The following MAN1A1 variants were observed in gnomAD, a reference collection of about 807,000 sequenced individuals.
MAN1A1 encodes mannosidase alpha class 1A member 1, also known as mannosyl-oligosaccharide 1,2-alpha-mannosidase IA.
A neutral mutation model predicts 70.8 loss-of-function variants in MAN1A1; 29 were observed. That is an observed-to-expected ratio of 0.41 (90% confidence interval 0.31 to 0.56). The LOEUF is 0.56. MAN1A1 is among the 20% of genes least tolerant of loss of function. MAN1A1 has a pLI of 0.29. For synonymous variants in MAN1A1, 349 were observed against 330.1 expected, an observed-to-expected ratio of 1.06 and a Z score of -0.62; for missense variants, 747 against 841.3, an observed-to-expected ratio of 0.89 and a Z score of 1.39.
chr6:119,276,290 G>A (rs2142885), intron 5 of MAN1A1, among the ~76,000 whole-genome samples: 1 of 151,906 alleles, frequency 6.6e-6, no homozygotes, highest in South Asian at 2.1e-4. Context: ...CATCTAAAAT[G>A]ATCCTGTGAA....
chr6:119,312,493 A>C (rs1772738012), intron 2 of MAN1A1, among the ~76,000 whole-genome samples: 1 of 152,132 alleles, frequency 6.6e-6, no homozygotes, highest in Non-Finnish European at 1.5e-5. Context: ...TTGGAAGAGA[A>C]TTTCTCCATG....
Position 119,249,474 on chromosome 6 carries a change from C to T in MAN1A1, c.898-1120G>A, listed in dbSNP as rs1238677621. Among the ~76,000 whole-genome samples the T allele has an allele frequency of 3.9e-5, 6 of 152,126 alleles. No homozygotes were observed. The East Asian group carries it at 1.2e-3, about 29-fold the overall frequency. On this transcript the variant is annotated intron_variant, in intron 5 of 12. Transcript: ENST00000368468. ...TGGCACCAAGCAGGTACCTGTTCCC[C>T]TCTCCTTTAAGCCGTATGACTGAGC... is the stretch of plus-strand genomic sequence containing the variant.
intron 11 of MAN1A1, among the ~76,000 whole-genome samples, chr6:119,181,688 G>T (rs1773157761): frequency 6.6e-6 from 1 of 151,996 alleles, no homozygotes; most frequent in Non-Finnish European, 1.5e-5. Flanking sequence ...CCCTTTCAGA[G>T]CCCACTTTCT....
At chr6:119,336,316 C>CGAAGGGA (rs1773449455) in intron 2 of MAN1A1, among the ~76,000 whole-genome samples, 1 of 152,148 alleles carries the variant, frequency 6.6e-6, no homozygotes. Flanking sequence ...GTGATCCTCC[C>CGAAGGGA]TTCGGCCTCC....
intron 11 of MAN1A1, among the ~76,000 whole-genome samples, chr6:119,188,178 C>T (rs911421512): frequency 3.3e-5 from 5 of 152,158 alleles, no homozygotes; most frequent in African/African-American, 1.2e-4. Flanking sequence ...TTATCTCCTT[C>T]AATATCTAAG....
chr6:119,204,783 T>C lies in MAN1A1; in HGVS notation c.1092A>G (p.Ser364=), dbSNP rs779441924. ...CCTTTTCAGCAAAGATGGGGTTTCC[T>C]GATAAGTGGCTCAAGTGCATAAACT... ...HLEFMHLSHL[S]GNPIFAEKVM... Residue 364 remains serine (S), a synonymous_variant, in exon 7 of 13, where the codon TCA becomes TCG. Transcript: ENST00000368468. The C allele has an allele frequency of 6.2e-7, 1 of 1,614,040 alleles. No individual in the cohort carries two copies. The highest frequency in any genetic ancestry group is 1.1e-5 in the South Asian group (1 of 91,084).
intron 8 of MAN1A1, among the ~76,000 whole-genome samples, chr6:119,194,522 C>T (rs945099931): frequency 7.2e-5 from 11 of 152,108 alleles, no homozygotes; most frequent in Non-Finnish European, 1.2e-4. Flanking sequence ...CGGCATCTTG[C>T]TATGTTGCCT....
chr6:119,280,339 G>T (rs1414135382), intron 5 of MAN1A1, among the ~76,000 whole-genome samples: 2 of 152,190 alleles, frequency 1.3e-5, no homozygotes, highest in African/African-American at 4.8e-5. Context: ...AACACTCTGT[G>T]CCTCTGTTTC....
intron 2 of MAN1A1, among the ~76,000 whole-genome samples, chr6:119,307,958 C>G (rs950470709): frequency 6.6e-6 from 1 of 152,100 alleles, no homozygotes; most frequent in African/African-American, 2.4e-5. Context: ...TTCATATGTT[C>G]CTGAACACAA....
In MAN1A1 at chr6:119,201,240, A is replaced by G. The variant is rs1279499383; in HGVS notation, c.1210+14T>C. 1 of 1,586,646 alleles carries G rather than the reference A, an allele frequency of 6.3e-7. No homozygotes were observed. Among genetic ancestry groups the G allele is most frequent in the East Asian group, 2.2e-5 (1 of 44,724 alleles). On this transcript the variant is annotated intron_variant, in intron 8 of 12. Coordinates refer to ENST00000368468, the MANE Select transcript of MAN1A1 (RefSeq NM_005907.4). ...ACCAAAAAGAGCTATAATAATGCAA[A>G]TCTTCTGACTTACGTTGACCCCACT...
intron 3 of MAN1A1, among the ~76,000 whole-genome samples, chr6:119,303,427 G>A (rs1488965290): frequency 1.1e-4 from 16 of 152,152 alleles, no homozygotes; most frequent in African/African-American, 3.6e-4. Context: ...GCTTCAAAAC[G>A]CAGTTTAAAA....
At chr6:119,182,984 G>C (rs778933262) in intron 11 of MAN1A1, among the ~76,000 whole-genome samples, 2 of 152,114 alleles carry the variant, frequency 1.3e-5, no homozygotes, top group Non-Finnish European at 1.5e-5. Flanking sequence ...AAAGGATTTT[G>C]GAGGAAAATA....
At chr6:119,271,888 G>A (rs1031319852) in intron 5 of MAN1A1, among the ~76,000 whole-genome samples, 1 of 152,142 alleles carries the variant, frequency 6.6e-6, no homozygotes, top group African/African-American at 2.4e-5. Context: ...AAGGGCCTCA[G>A]ATCACTACAT....
intron 6 of MAN1A1, among the ~76,000 whole-genome samples, chr6:119,234,758 A>T (rs1423524045): frequency 6.6e-6 from 1 of 152,180 alleles, no homozygotes; most frequent in Non-Finnish European, 1.5e-5. Flanking sequence ...AAAAATTTAC[A>T]TACGGGGATA....
intron 11 of MAN1A1, among the ~76,000 whole-genome samples, chr6:119,181,566 A>C (rs1432720662): frequency 6.6e-6 from 1 of 152,120 alleles, no homozygotes; most frequent in Non-Finnish European, 1.5e-5. Flanking sequence ...AATATTTGGA[A>C]AACAGATGGG....
intron 5 of MAN1A1, among the ~76,000 whole-genome samples, chr6:119,259,059 T>C (rs753590706): frequency 1.1e-4 from 17 of 152,198 alleles, no homozygotes; most frequent in South Asian, 2.1e-4. Flanking sequence ...TCAGGAATAA[T>C]AGAAGGATAC....
At chr6:119,214,236 T>G (rs1774134546) in intron 6 of MAN1A1, among the ~76,000 whole-genome samples, 1 of 152,094 alleles carries the variant, frequency 6.6e-6, no homozygotes, top group South Asian at 2.1e-4. Context: ...AGTGCTGGGA[T>G]TCCAGGTGTG....
intron 6 of MAN1A1, among the ~76,000 whole-genome samples, chr6:119,219,586 C>A (rs954686801): frequency 6.7e-6 from 1 of 149,678 alleles, no homozygotes; most frequent in African/African-American, 2.5e-5. Context: ...CAAAAGAGAT[C>A]TGTTTTTGTT....
Position 119,189,761 on chromosome 6 carries a change from T to G in MAN1A1, c.1449A>C (p.Ala483=), listed in dbSNP as rs1434055546. The G allele has an allele frequency of 6.2e-7, 1 of 1,613,916 alleles. No homozygotes were observed. The highest frequency in any genetic ancestry group is 8.5e-7 in the Non-Finnish European group (1 of 1,180,000). Residue 483 remains alanine, a synonymous_variant, in exon 10 of 13, where the codon GCA becomes GCC. Transcript: ENST00000368468. ...HLTCFAGGMF[A]LGADAAPEGM... Reference sequence around the variant, plus strand: ...CTTCGGGAGCTGCATCAGCCCCGAGTGCGAACATGCCCCCCGCGAAGCAGG... The same window carrying G: ...CTTCGGGAGCTGCATCAGCCCCGAGGGCGAACATGCCCCCCGCGAAGCAGG...
Sources: allele counts gnomAD v4.1 joint callset (sites outside exome capture counted in the v4.1 genomes callset), GRCh38; gene constraint gnomAD v4.1.1; transcripts MANE v1.5; gene names NCBI Gene and HGNC (gene_info 2026-07-23, HGNC 2026-07-21).